The following PTPRD variants were observed in gnomAD, a reference collection of about 807,000 sequenced individuals.
PTPRD encodes the protein protein tyrosine phosphatase receptor type D, also known as receptor-type tyrosine-protein phosphatase delta.
In PTPRD, 34 loss-of-function variants were observed where a neutral mutation model predicts 214.5. The observed-to-expected ratio is 0.16, with a 90% CI of 0.12 to 0.21. The LOEUF (loss-of-function observed/expected upper bound fraction) is 0.21. Ranked by LOEUF, PTPRD falls within the 10% of genes least tolerant of loss-of-function variation. The probability of loss-of-function intolerance (pLI) is 1.00; values close to 1 mark genes in which losing one functional copy is unlikely to be tolerated. For synonymous variants in PTPRD, 1,128 were observed against 845.7 expected, an observed-to-expected ratio of 1.33 and a Z score of -5.79; for missense variants, 2,545 against 2,398.7, an observed-to-expected ratio of 1.06 and a Z score of -1.27.
intron 11 of PTPRD, among the ~76,000 whole-genome samples, chr9:8,881,167 C>G (rs2098443054): frequency 1.3e-5 from 2 of 152,166 alleles, no homozygotes; most frequent in Admixed American, 1.3e-4. Context: ...TTACTGTATT[C>G]CAGGCACTGT....
intron 7 of PTPRD, among the ~76,000 whole-genome samples, chr9:9,611,648 C>T (rs181366299): frequency 6.6e-6 from 1 of 152,154 alleles, no homozygotes; most frequent in Non-Finnish European, 1.5e-5. Context: ...AACACACACA[C>T]ACACCCACGT....
chr9:9,553,217 C>T (rs1468982994), intron 8 of PTPRD, among the ~76,000 whole-genome samples: 1 of 152,008 alleles, frequency 6.6e-6, no homozygotes, highest in African/African-American at 2.4e-5. Flanking sequence ...ACTAAAATTT[C>T]ATCCCTATAA....
intron 9 of PTPRD, among the ~76,000 whole-genome samples, chr9:9,262,627 G>A (rs543098494): frequency 6.6e-5 from 10 of 151,574 alleles, no homozygotes; most frequent in African/African-American, 2.2e-4. Flanking sequence ...AGAAATGGAT[G>A]AATCCTTACT....
At chr9:8,866,183 T>C (rs1018776608) in intron 11 of PTPRD, among the ~76,000 whole-genome samples, 1 of 152,178 alleles carries the variant, frequency 6.6e-6, no homozygotes, top group South Asian at 2.1e-4. Context: ...TTGGAGAGAT[T>C]TAAAAGGCAA....
intron 8 of PTPRD, among the ~76,000 whole-genome samples, chr9:9,548,544 G>A (rs1284400629): frequency 1.3e-5 from 2 of 151,348 alleles, no homozygotes; most frequent in Non-Finnish European, 1.5e-5. Context: ...GGCTACAGGC[G>A]TCTGCCACCA....
chr9:10,275,968 A>G (rs2094664056), intron 3 of PTPRD, among the ~76,000 whole-genome samples: 2 of 152,160 alleles, frequency 1.3e-5, no homozygotes, highest in Admixed American at 1.3e-4. Flanking sequence ...CTTTCAGGCT[A>G]CAGTGTTAAA....
chr9:9,606,504 G>T (rs1252416557), intron 7 of PTPRD, among the ~76,000 whole-genome samples: 1 of 151,972 alleles, frequency 6.6e-6, no homozygotes, highest in Non-Finnish European at 1.5e-5. Context: ...CACATGGCTT[G>T]TATGGCGATC....
chr9:8,869,366 C>T (rs1036594914), intron 11 of PTPRD, among the ~76,000 whole-genome samples: 2 of 152,096 alleles, frequency 1.3e-5, no homozygotes, highest in African/African-American at 4.8e-5. Context: ...GGTACAGTAT[C>T]CACACTCTAT....
chr9:9,407,918 T>G (rs2074076059), intron 8 of PTPRD, among the ~76,000 whole-genome samples: 1 of 151,770 alleles, frequency 6.6e-6, no homozygotes, highest in Non-Finnish European at 1.5e-5. Context: ...AAAATTATAG[T>G]GTAGTAATTT....
intron 7 of PTPRD, among the ~76,000 whole-genome samples, chr9:9,600,566 A>G (rs2154336962): frequency 1.3e-5 from 2 of 152,230 alleles, no homozygotes; most frequent in Admixed American, 1.3e-4. Context: ...GGAAGGAGGC[A>G]TAAACATAGT....
chr9:8,461,424 A>T (rs1483374289), intron 32 of PTPRD, among the ~76,000 whole-genome samples: 2 of 151,962 alleles, frequency 1.3e-5, no homozygotes, highest in Non-Finnish European at 2.9e-5. Context: ...ATGATATCCG[A>T]TCCCATTTAG....
chr9:8,332,235 TCTG>T (rs1379508556), intron 43 of PTPRD, among the ~76,000 whole-genome samples: 2 of 152,218 alleles, frequency 1.3e-5, no homozygotes, highest in African/African-American at 4.8e-5. Flanking sequence ...TAACTTCACA[TCTG>T]CTGTGCTTGC....
intron 11 of PTPRD, among the ~76,000 whole-genome samples, chr9:8,870,166 C>A (rs1214510977): frequency 6.6e-6 from 1 of 150,740 alleles, no homozygotes; most frequent in Non-Finnish European, 1.5e-5. Flanking sequence ...AAGACACAGT[C>A]TTAGGTAGCT....
chr9:10,297,109 A>G (rs1721064428), intron 3 of PTPRD, among the ~76,000 whole-genome samples: 1 of 146,970 alleles, frequency 6.8e-6, no homozygotes, highest in Non-Finnish European at 1.5e-5. Flanking sequence ...AATTTTATAT[A>G]TATATATATA....
intron 2 of PTPRD, among the ~76,000 whole-genome samples, chr9:10,559,429 T>C (rs1321688293): frequency 1.3e-5 from 2 of 152,144 alleles, no homozygotes; most frequent in Non-Finnish European, 2.9e-5. Context: ...CACAGTTCTA[T>C]TTAAGTTACA....
intron 14 of PTPRD, among the ~76,000 whole-genome samples, chr9:8,628,496 T>C (rs1467257772): frequency 1.3e-5 from 2 of 151,646 alleles, no homozygotes; most frequent in Non-Finnish European, 2.9e-5. Context: ...GCAAATTTTT[T>C]CCATCTTGCA....
At chr9:9,364,586 C>T (rs1425546372) in intron 9 of PTPRD, among the ~76,000 whole-genome samples, 1 of 151,234 alleles carries the variant, frequency 6.6e-6, no homozygotes, top group African/African-American at 2.4e-5. Context: ...GAGAAACGGT[C>T]TTGAGTGGCA....
rs200875389 is a variant in PTPRD at position 9,410,944 on chromosome 9, T to A, written c.-236-13462A>T. On this transcript the variant is annotated intron_variant, in intron 8 of 45. Coordinates refer to ENST00000381196, the MANE Select transcript of PTPRD (RefSeq NM_002839.4). ...GATGTTCAGTGACCTAAATTGAGGCTTAGAATAAGTGTGGGCGCGTGCCTG... is the reference window on the plus strand; with the variant it reads ...GATGTTCAGTGACCTAAATTGAGGCATAGAATAAGTGTGGGCGCGTGCCTG... Among the ~76,000 whole-genome samples, 8 of 152,212 alleles carry A rather than the reference T, an allele frequency of 5.3e-5. No homozygotes were observed. The East Asian group carries it at 1.2e-3, about 22-fold the overall frequency.
rs146421789 is a variant in PTPRD, at chr9:9,896,635, A to G, written c.-368+41872T>C. 5.9e-3 allele frequency among the ~76,000 whole-genome samples: 892 copies of G among 152,192 alleles called. 4 individuals carry two copies. Among genetic ancestry groups the G allele is most frequent in the African/African-American group, 0.02 (828 of 41,566 alleles). On this transcript the variant is annotated intron_variant, in intron 5 of 45. Coordinates refer to ENST00000381196, the MANE Select transcript of PTPRD (RefSeq NM_002839.4). The stretch of plus-strand genomic sequence containing the variant: ...AATATCCTCCAACGAATTAGATCCG[A>G]GGAATTCATATTTAAGAGGATCAGT...
Sources: gnomAD v4.1 joint callset for allele counts (sites outside exome capture counted in the v4.1 genomes callset) on GRCh38, gnomAD v4.1.1 for gene constraint, MANE v1.5 for transcripts, NCBI Gene and HGNC (gene_info 2026-07-23, HGNC 2026-07-21) for gene names.